CHRDL1: variants seen among roughly 807,000 people sequenced by gnomAD.
CHRDL1 encodes chordin like 1, also known as chordin-like protein 1.
A neutral mutation model predicts 40.9 loss-of-function variants in CHRDL1; 19 were observed. The ratio of observed to expected loss-of-function variants is 0.46; its 90% CI spans 0.32 to 0.68. CHRDL1 has a LOEUF of 0.68. Among genes scored for constraint, CHRDL1 ranks in the 30% least tolerant of loss-of-function variants. The pLI, the probability that CHRDL1 is intolerant of heterozygous loss-of-function variation, is 0.03. For missense variants in CHRDL1, 329 were observed against 352.1 expected, an observed-to-expected ratio of 0.93 and a Z score of 0.53; for synonymous variants, 136 against 123.4, an observed-to-expected ratio of 1.10 and a Z score of -0.68.
chrX:110,792,407 T>A (rs900021572), intron 1 of CHRDL1, among the ~76,000 whole-genome samples, 192 bp from the exon 2 acceptor site: 4 of 112,252 alleles, frequency 3.6e-5, no homozygotes, highest in South Asian at 7.4e-4. Flanking sequence ...GGGTGAAAAT[T>A]CAAGTGAATG....
intron 4 of CHRDL1, among the ~76,000 whole-genome samples, chrX:110,723,135 C>T (rs1476677880): frequency 1.8e-5 from 2 of 110,610 alleles, no homozygotes; most frequent in Non-Finnish European, 3.8e-5. Context: ...CCTGCAGTCC[C>T]AGCTAATCGG....
chrX:110,753,803 T>C (rs183551549), intron 4 of CHRDL1, among the ~76,000 whole-genome samples: 4 of 111,066 alleles, frequency 3.6e-5, no homozygotes, highest in African/African-American at 1.3e-4. Context: ...AGATTCAGAG[T>C]AAACAAGTGA....
chrX:110,768,644 C>T (rs1245005374), intron 2 of CHRDL1, among the ~76,000 whole-genome samples: 1 of 110,828 alleles, frequency 9.0e-6, no homozygotes, highest in African/African-American at 3.3e-5. Context: ...TTCCTGCCCT[C>T]GAACATCAGA....
chrX:110,704,270 C>T (rs1234787082), intron 6 of CHRDL1, among the ~76,000 whole-genome samples: 1 of 110,996 alleles, frequency 9.0e-6, no homozygotes, highest in Non-Finnish European at 1.9e-5. Context: ...TGTACCCACA[C>T]AATTTTAAGA....
At position 110,676,279 on chromosome X, in the gene CHRDL1, ATCT is replaced by A; in HGVS notation, c.1326_1328del (p.Glu442del). 8.3e-7 allele frequency: 1 copy of A among 1,209,075 alleles called. No homozygotes were observed. On this transcript the variant is annotated inframe_deletion, in exon 12 of 12. Transcript: ENST00000372042. Reference sequence around the variant, plus strand: ...TCTCCAGGTACAAAACCTTGACTAAATCTTCAAGCTCTGTTCTGCATACACGAC... The same window carrying A: ...TCTCCAGGTACAAAACCTTGACTAAATCAAGCTCTGTTCTGCATACACGAC...
At chrX:110,747,700 C>A (rs764543674) in intron 4 of CHRDL1, among the ~76,000 whole-genome samples, 10 of 112,411 alleles carry the variant, frequency 8.9e-5, no homozygotes, top group African/African-American at 3.2e-4. Context: ...ATGTGACTAC[C>A]ACGTGGATCA....
chrX:110,773,246 C>T (rs781674477), intron 2 of CHRDL1, among the ~76,000 whole-genome samples: 2 of 112,156 alleles, frequency 1.8e-5, no homozygotes, highest in African/African-American at 6.5e-5. Flanking sequence ...ACTGCATTTG[C>T]TGCAGCCTGC....
At chrX:110,789,881 A>C (rs1293731766) in intron 2 of CHRDL1, among the ~76,000 whole-genome samples, 1 of 111,849 alleles carries the variant, frequency 8.9e-6, no homozygotes, top group Admixed American at 9.5e-5. Flanking sequence ...TAATTTAAGA[A>C]ACTTAAAAAT....
chrX:110,731,094 A>G (rs1488261010), intron 4 of CHRDL1, among the ~76,000 whole-genome samples: 4 of 111,288 alleles, frequency 3.6e-5, no homozygotes, highest in Non-Finnish European at 7.5e-5. Flanking sequence ...CAAGTTCACC[A>G]TGTCCCTAAA....
At chrX:110,780,422 A>C (rs2089921657) in intron 2 of CHRDL1, among the ~76,000 whole-genome samples, 1 of 111,581 alleles carries the variant, frequency 9.0e-6, no homozygotes, top group South Asian at 3.7e-4. Context: ...GCCATTAAAT[A>C]GTTTACCCAT....
At chrX:110,689,915 A>C (rs1324720236) in intron 8 of CHRDL1, among the ~76,000 whole-genome samples, 2 of 20,743 alleles carry the variant, frequency 9.6e-5, no homozygotes, top group East Asian at 1.0e-3. Flanking sequence ...CTATATATCT[A>C]TATATATCTA....
chrX:110,778,099 C>A (rs1314234097), intron 2 of CHRDL1, among the ~76,000 whole-genome samples: 1 of 110,917 alleles, frequency 9.0e-6, no homozygotes, highest in Non-Finnish European at 1.9e-5. Context: ...TACAAAAAGT[C>A]AACTCAAGAT....
intron 2 of CHRDL1, among the ~76,000 whole-genome samples, chrX:110,791,881 A>C (rs1018449851): frequency 8.9e-6 from 1 of 111,956 alleles, no homozygotes; most frequent in Admixed American, 9.4e-5. Flanking sequence ...ACTACATGAT[A>C]ATCAGAAAAA....
At chrX:110,727,685 T>C (rs984204135) in intron 4 of CHRDL1, among the ~76,000 whole-genome samples, 30 of 112,366 alleles carry the variant, frequency 2.7e-4, no homozygotes, top group Admixed American at 9.4e-5. Context: ...ACCATTTTTC[T>C]TAGCAGATTT....
intron 5 of CHRDL1, among the ~76,000 whole-genome samples, chrX:110,721,045 T>G (rs2070941577): frequency 8.9e-6 from 1 of 111,979 alleles, no homozygotes; most frequent in Non-Finnish European, 1.9e-5. Context: ...ACCCATAGCA[T>G]TCCCAAAGCT....
Position 110,759,978 on chromosome X carries a change from C to A in CHRDL1, c.208-224G>T, listed in dbSNP as rs149812846. The stretch of plus-strand genomic sequence containing the variant: ...TTTTTCTAAGGCTGAGATCACCACT[C>A]CTCCAATTTTCAAAGCTTCCCATTA... On this transcript the variant is annotated intron_variant, in intron 3 of 11. Transcript: ENST00000372042. 1.9e-3 allele frequency among the ~76,000 whole-genome samples: 218 copies of A among 111,831 alleles called. 1 individual carries two copies. Among genetic ancestry groups the A allele is most frequent in the African/African-American group, 6.9e-3 (213 of 30,812 alleles).
At chrX:110,700,580 A>C (rs1004458048) in intron 7 of CHRDL1, 74 bp downstream of exon 7, 1 of 716,869 alleles carries the variant, frequency 1.4e-6, no homozygotes, top group Non-Finnish European at 2.2e-6. Flanking sequence ...ATTTGCTAGA[A>C]TAGTAGCCAC....
rs2070497601 is a variant in CHRDL1 at position 110,700,815 on chromosome X, C to T, written c.542-94G>A. ...CCAGCAACATTTTTGGTACTATGATCCCAAAGTTCTTGAAGTGTTTTTGCT... is the reference window on the plus strand; with the variant it reads ...CCAGCAACATTTTTGGTACTATGATTCCAAAGTTCTTGAAGTGTTTTTGCT... On this transcript the variant is annotated intron_variant, in intron 6 of 11. Coordinates refer to ENST00000372042, the MANE Select transcript of CHRDL1 (RefSeq NM_001143981.2). The T allele has an allele frequency of 2.2e-5, 13 of 590,434 alleles. 1 individual carries two copies. The South Asian group carries it at 4.1e-4, about 19-fold the overall frequency. The allele number at this position is 590,434 out of a possible 1,213,427, so 48.7% of individuals were successfully genotyped here.
At position 110,689,432 on chromosome X, in the gene CHRDL1, CTATA is replaced by C. The variant is rs1226829031; in HGVS notation, c.779-633_779-630del. 1.4e-4 allele frequency among the ~76,000 whole-genome samples: 10 copies of C among 72,195 alleles called. 1 individual carries two copies. Among genetic ancestry groups the C allele is most frequent in the African/African-American group, 7.5e-4 (10 of 13,247 alleles). The allele number at this position is 72,195 out of a possible 115,157, so 62.7% of individuals were successfully genotyped here. On this transcript the variant is annotated intron_variant, in intron 8 of 11. Transcript: ENST00000372042. ...TATATATCTATATATATCTATATAT[CTATA>C]TATCTATATATATCTATATATCTAT...
Sources: gnomAD v4.1 joint callset for allele counts (sites outside exome capture counted in the v4.1 genomes callset) on GRCh38, gnomAD v4.1.1 for gene constraint, MANE v1.5 for transcripts, NCBI Gene and HGNC (gene_info 2026-07-23, HGNC 2026-07-21) for gene names.